Variants in DNM1L observed in about 807,000 individuals in gnomAD.
DNM1L encodes dynamin 1L, also known as dynamin-1-like protein.
A neutral mutation model predicts 92.8 loss-of-function variants in DNM1L; 33 were observed. The observed-to-expected ratio is 0.36, with a 90% CI of 0.27 to 0.48. DNM1L has a LOEUF of 0.48. Ranked by LOEUF, DNM1L falls within the 20% of genes least tolerant of loss-of-function variation. The pLI is 0.99. For synonymous variants in DNM1L, 284 were observed against 305.0 expected (o/e 0.93, Z 0.72); for missense variants, 485 against 888.8 (o/e 0.55, Z 5.78).
In DNM1L at chr12:32,744,269, A is replaced by C. The variant is rs1416222155; in HGVS notation, c.*859A>C. On this transcript the variant is annotated 3_prime_UTR_variant, in exon 20 of 20. Transcript: ENST00000549701. ...TTAAGGTACATCTCTAAAGTGGAGC[A>C]CTTACACCAGGCTCTAAGATTCACT... 1 of 152,406 alleles carries C rather than the reference A, an allele frequency of 6.6e-6. No individual in the cohort carries two copies. The highest frequency in any genetic ancestry group is 1.5e-5 in the Non-Finnish European group (1 of 68,172). 9.4% of individuals were successfully genotyped at this position (152,406 alleles called of 1,614,324 possible). A position where few individuals can be genotyped will look rare whatever the true frequency, so the allele number is the denominator to read the frequency against.
At chr12:32,694,230 T>C (rs10844303) in intron 1 of DNM1L, among the ~76,000 whole-genome samples, 28,121 of 152,108 alleles carry the variant, frequency 0.18, 3,068 homozygotes, top group African/African-American at 0.31. Flanking sequence ...GGACTACAGG[T>C]GCGTGCCACC....
Position 32,731,899 on chromosome 12 carries a change from G to A in DNM1L, c.1402G>A (p.Val468Met). 6.2e-7 allele frequency: 1 copy of A among 1,614,050 alleles called. No individual in the cohort carries two copies. The highest frequency in any genetic ancestry group is 8.5e-7 in the Non-Finnish European group (1 of 1,179,964). ...ACTTCATGATGCCATAGTTGAAGTGGTGACTTGTCTTCTTCGTAAAAGGTT... is the reference window on the plus strand; with the variant it reads ...ACTTCATGATGCCATAGTTGAAGTGATGACTTGTCTTCTTCGTAAAAGGTT... ...PKLHDAIVEV[V>M]TCLLRKRLPV... is the part of the protein sequence containing the mutation. The change falls in exon 12 of 20, where the codon GTG becomes ATG. Residue 468 changes from valine (V) to methionine (M), a missense_variant. Around this residue, in one of 11 missense-constraint regions of DNM1L, gnomAD observed 28 missense variants for 65.1 expected, o/e 0.43. Coordinates refer to ENST00000549701, the MANE Select transcript of DNM1L (RefSeq NM_012062.5). This position sits in a 1 kb window ranked among gnomAD's most constrained non-coding sequence, Gnocchi z 5.1.
chr12:32,692,541 AT>A (rs1252849667), intron 1 of DNM1L: 2 of 154,062 alleles, frequency 1.3e-5, no homozygotes, highest in African/African-American at 4.8e-5. Flanking sequence ...CAGGGATGAA[AT>A]GTCATCTTCT....
intron 9 of DNM1L, chr12:32,728,309 A>G (rs1482158381): frequency 1.3e-5 from 2 of 152,238 alleles, no homozygotes; most frequent in Admixed American, 1.3e-4. Context: ...AGTATTTATC[A>G]GACTAATTAT....
chr12:32,679,687 G>A, intron 1 of DNM1L: 1 of 1,244,054 alleles, frequency 8.0e-7, no homozygotes, highest in Admixed American at 4.5e-5. Flanking sequence ...CCCGGCCAGG[G>A]GCGGAGCCGG....
At chr12:32,726,530 C>G in intron 9 of DNM1L, 1 of 1,091,460 alleles carries the variant, frequency 9.2e-7, no homozygotes, top group Non-Finnish European at 1.4e-6. Context: ...CTCCAGTAAA[C>G]TATAACACTG....
At chr12:32,687,925 TTTATA>T (rs1952087064) in intron 1 of DNM1L, among the ~76,000 whole-genome samples, 2 of 151,910 alleles carry the variant, frequency 1.3e-5, no homozygotes. Context: ...TGAATTTTAT[TTTATA>T]TTATTTTATT....
At chr12:32,712,688 C>G (rs537363818) in intron 5 of DNM1L, among the ~76,000 whole-genome samples, 160 of 134,258 alleles carry the variant, frequency 1.2e-3, no homozygotes, top group African/African-American at 4.2e-3. Flanking sequence ...AGAAAAAAAT[C>G]ATCTCTAATC....
chr12:32,731,770 A>C lies in DNM1L; in HGVS notation c.1357-84A>C. ...TGTAGTCTCAGCTACTTGGGAGGCT[A>C]AGGTGGGAGGATGGCTTAGTGAGAC... On this transcript the variant is annotated intron_variant, in intron 11 of 19. Transcript: ENST00000549701. The surrounding 1 kb of genome is among the most constrained non-coding windows in gnomAD (Gnocchi z 5.1). 8.4e-7 allele frequency: 1 copy of C among 1,192,592 alleles called. No homozygotes were observed. Among genetic ancestry groups the C allele is most frequent in the Non-Finnish European group, 1.2e-6 (1 of 808,552 alleles). 73.9% of individuals were successfully genotyped at this position (1,192,592 alleles called of 1,614,324 possible).
At chr12:32,705,891 CT>C (rs1456211234) in intron 2 of DNM1L, 5 of 1,588,870 alleles carry the variant, frequency 3.1e-6, no homozygotes, top group African/African-American at 1.3e-5. Context: ...GCTTTTGACC[CT>C]TTTTTTCTCT....
intron 1 of DNM1L, among the ~76,000 whole-genome samples, chr12:32,699,035 A>T (rs573409993): frequency 2.6e-5 from 4 of 151,948 alleles, no homozygotes; most frequent in African/African-American, 7.2e-5. Context: ...AAAAAAAAAA[A>T]TCCTGAATGT....
Position 32,723,287 on chromosome 12 carries a change from TC to T in DNM1L, c.1079+655del, listed in dbSNP as rs1953887856. Among the ~76,000 whole-genome samples, 3 of 152,328 alleles carry T rather than the reference TC, an allele frequency of 2.0e-5. No homozygotes were observed. The South Asian group carries it at 6.2e-4, about 32-fold the overall frequency. ...ACTTCAATTTTATAAAGAAAATTCTTCTGCAAACCACATCCCCATTATATAA... is the reference window on the plus strand; with the variant it reads ...ACTTCAATTTTATAAAGAAAATTCTTTGCAAACCACATCCCCATTATATAA... On this transcript the variant is annotated intron_variant, in intron 9 of 19. Transcript: ENST00000549701.
At chr12:32,737,671 A>G in intron 14 of DNM1L, 194 bp from the exon 15 acceptor site, 1 of 569,412 alleles carries the variant, frequency 1.8e-6, no homozygotes. Context: ...TTATGTATTC[A>G]TCTGAAGGAA....
chr12:32,731,082 C>T lies in DNM1L; in HGVS notation c.1148C>T (p.Pro383Leu). 2 of 1,613,878 alleles carry T rather than the reference C, an allele frequency of 1.2e-6. No homozygotes were observed. The highest frequency in any genetic ancestry group is 1.7e-6 in the Non-Finnish European group (2 of 1,179,970). ...TFGRTLESVD[P>L]LGGLNTIDIL... ...GGGCGAACCTTAGAATCTGTTGATC[C>T]ACTTGGTGGCCTTAACACTATTGAC... Residue 383 changes from proline to leucine, a missense_variant, in exon 10 of 20, where the codon CCA becomes CTA. By Grantham distance (98) the Pro-to-Leu change is moderately conservative (BLOSUM62 -3). Around this residue, in one of 11 missense-constraint regions of DNM1L, gnomAD observed 19 missense variants for 22.1 expected, o/e 0.86. Coordinates refer to ENST00000549701, the MANE Select transcript of DNM1L (RefSeq NM_012062.5). This position sits in a 1 kb window ranked among gnomAD's most constrained non-coding sequence, Gnocchi z 5.1.
At chr12:32,709,063 A>G (rs1422104909) in intron 4 of DNM1L, among the ~76,000 whole-genome samples, 1 of 152,096 alleles carries the variant, frequency 6.6e-6, no homozygotes, top group African/African-American at 2.4e-5. Flanking sequence ...CCTGACAGAA[A>G]GGCATTTTTA....
chr12:32,736,850 C>T, intron 13 of DNM1L: 1 of 451,712 alleles, frequency 2.2e-6, no homozygotes, highest in Non-Finnish European at 4.0e-6. Context: ...TTTGAGAATC[C>T]CCAGTACAGG....
In DNM1L at chr12:32,745,049, C is replaced by T. The variant is rs1176154738; in HGVS notation, c.*1639C>T. 3.9e-6 allele frequency: 2 copies of T among 507,198 alleles called. No homozygotes were observed. Among genetic ancestry groups the T allele is most frequent in the Non-Finnish European group, 7.8e-6 (2 of 256,030 alleles). 31.4% of individuals were successfully genotyped at this position (507,198 alleles called of 1,614,324 possible). A position where few individuals can be genotyped will look rare whatever the true frequency, so the allele number is the denominator to read the frequency against. The stretch of plus-strand genomic sequence containing the variant: ...ATGGCATCAATTTACTAAGGAACAA[C>T]AGGCTCACCAACTGATGTCAAACAT... On this transcript the variant is annotated 3_prime_UTR_variant, in exon 20 of 20. Coordinates refer to ENST00000549701, the MANE Select transcript of DNM1L (RefSeq NM_012062.5).
chr12:32,715,157 A>G (rs1259643832), intron 6 of DNM1L, among the ~76,000 whole-genome samples: 1 of 150,608 alleles, frequency 6.6e-6, no homozygotes, highest in African/African-American at 2.5e-5. Flanking sequence ...GCAGTGGCAC[A>G]ATCATGCCTC....
At position 32,710,968 on chromosome 12, in the gene DNM1L, C is replaced by T; in HGVS notation, c.409C>T (p.Pro137Ser). 1 of 1,613,790 alleles carries T rather than the reference C, an allele frequency of 6.2e-7. No homozygotes were observed. ...PEPIHLKIFS[P>S]NVVNLTLVDL... is the part of the protein sequence containing the mutation. ...ACCAATTCATCTTAAGATTTTTTCA[C>T]CCAACGTTGTCAATTTGACACTTGT... Residue 137 changes from proline to serine, a missense_variant, in exon 5 of 20, where the codon CCC (proline) becomes TCC (serine). By Grantham distance (74) the Pro-to-Ser change is moderately conservative. This residue lies in a region of DNM1L where 159 missense variants were observed against 275.9 expected (regional missense o/e 0.58). Transcript: ENST00000549701.
Sources: gnomAD v4.1 joint callset for allele counts (sites outside exome capture counted in the v4.1 genomes callset) on GRCh38, gnomAD v4.1.1 for gene constraint, gnomAD v4.1.1 regional missense constraint, Gnocchi (gnomAD v3.1) non-coding constraint, MANE v1.5 for transcripts, NCBI Gene and HGNC (gene_info 2026-07-23, HGNC 2026-07-21) for gene names.